Variants in MAPRE1 observed in about 807,000 individuals in gnomAD.
The protein encoded by MAPRE1 is microtubule-associated protein RP/EB family member 1.
In MAPRE1, 5 loss-of-function variants were observed where a neutral mutation model predicts 32.1. The ratio of observed to expected loss-of-function variants is 0.16; its 90% CI spans 0.08 to 0.33. The LOEUF (loss-of-function observed/expected upper bound fraction) is 0.33. Ranked by LOEUF, MAPRE1 falls within the 10% of genes least tolerant of loss-of-function variation. The pLI, the probability that MAPRE1 is intolerant of heterozygous loss-of-function variation, is 1.00. For missense variants in MAPRE1, 209 were observed against 327.2 expected (o/e 0.64, Z 2.79); for synonymous variants, 122 against 118.9 (o/e 1.03, Z -0.17).
intron 2 of MAPRE1, among the ~76,000 whole-genome samples, chr20:32,827,936 T>TC (rs1413283362): frequency 7.1e-6 from 1 of 140,160 alleles, no homozygotes; most frequent in Non-Finnish European, 1.5e-5. Context: ...TAGGATTTTT[T>TC]CTTTTTTTTT....
chr20:32,844,470 T>TTTTTG, intron 5 of MAPRE1, among the ~76,000 whole-genome samples: 3 of 132,826 alleles, frequency 2.3e-5, no homozygotes, highest in Admixed American at 7.5e-5. Flanking sequence ...TTTTTTTTTT[T>TTTTTG]GTGGCGTGAT....
At chr20:32,843,597 A>G (rs1050489294) in intron 5 of MAPRE1, 1 of 152,240 alleles carries the variant, frequency 6.6e-6, no homozygotes. Context: ...GCATATAATC[A>G]AATATAAATA....
At chr20:32,828,315 T>G (rs185560012) in intron 2 of MAPRE1, among the ~76,000 whole-genome samples, 347 of 152,344 alleles carry the variant, frequency 2.3e-3, no homozygotes, top group Non-Finnish European at 4.1e-3. Context: ...CATCCTAGTT[T>G]TCACTGGAGC....
intron 2 of MAPRE1, among the ~76,000 whole-genome samples, chr20:32,832,494 T>G (rs1601164265): frequency 7.0e-6 from 1 of 143,354 alleles, no homozygotes; most frequent in Admixed American, 7.3e-5. Flanking sequence ...TGAGACGAGG[T>G]CTCTCTCTGT....
chr20:32,821,024 C>CT (rs35886111), intron 1 of MAPRE1, among the ~76,000 whole-genome samples: 21,825 of 140,586 alleles, frequency 0.16, 1,836 homozygotes, highest in South Asian at 0.21. Flanking sequence ...TCTCTTCTTC[C>CT]TTTTTTTTTT....
chr20:32,828,659 G>A (rs1291773934), intron 2 of MAPRE1, among the ~76,000 whole-genome samples: 2 of 152,188 alleles, frequency 1.3e-5, no homozygotes, highest in Non-Finnish European at 2.9e-5. Context: ...AACTGACTGT[G>A]TGCCAGACCC....
Position 32,825,912 on chromosome 20 carries a change from TC to T in MAPRE1, c.-3-10del. On this transcript the variant is annotated splice_polypyrimidine_tract_variant and intron_variant, in intron 1 of 6. Transcript: ENST00000375571. ...TGTAACACAGGCCCTTCTCTTTTCT[TC>T]CCATGCTTTAGAAGATGGCAGTGAA... The T allele has an allele frequency of 6.3e-7, 1 of 1,576,962 alleles. No individual in the cohort carries two copies. The highest frequency in any genetic ancestry group is 8.7e-7 in the Non-Finnish European group (1 of 1,151,400).
chr20:32,841,859 G>A (rs1983373225), intron 5 of MAPRE1, among the ~76,000 whole-genome samples: 1 of 152,162 alleles, frequency 6.6e-6, no homozygotes, highest in South Asian at 2.1e-4. Context: ...GATTATATGA[G>A]CTGAATGTTA....
rs887492301 is a variant in MAPRE1, at chr20:32,826,178, C to T, written c.121+130C>T. On this transcript the variant is annotated intron_variant, in intron 2 of 6. Transcript: ENST00000375571. ...TTTGTTAGGGCCACCCTGTTTCTTC[C>T]TCTCAGCCCTGCCTTTGCTTCTGCT... is the stretch of plus-strand genomic sequence containing the variant. The T allele has an allele frequency of 5.6e-5, 41 of 731,918 alleles. 2 individuals are homozygous for T. Among genetic ancestry groups the T allele is most frequent in the Middle Eastern group, 5.2e-4 (2 of 3,844 alleles). 45.3% of individuals were successfully genotyped at this position (731,918 alleles called of 1,614,324 possible).
intron 3 of MAPRE1, among the ~76,000 whole-genome samples, chr20:32,835,410 T>A (rs1983168031): frequency 7.3e-6 from 1 of 136,738 alleles, no homozygotes; most frequent in African/African-American, 2.8e-5. Context: ...TTGCCAGTGC[T>A]GGTCTAAATT....
chr20:32,836,607 G>A, intron 3 of MAPRE1, 27 bp from the exon 4 acceptor site: 1 of 1,403,608 alleles, frequency 7.1e-7, no homozygotes, highest in Non-Finnish European at 1.0e-6. Context: ...CTCTTTTTTG[G>A]GGCTAAACAG....
intron 1 of MAPRE1, among the ~76,000 whole-genome samples, chr20:32,822,531 G>A (rs6057651): frequency 0.018 from 2,782 of 152,286 alleles, 32 homozygotes; most frequent in South Asian, 0.044. Flanking sequence ...AGGAGGATGA[G>A]TGAGACAAGG....
At chr20:32,826,421 C>T (rs1297103261) in intron 2 of MAPRE1, among the ~76,000 whole-genome samples, 2 of 149,818 alleles carry the variant, frequency 1.3e-5, no homozygotes, top group Non-Finnish European at 3.0e-5. Context: ...GGGGTTTCAC[C>T]GTGTTAGCCA....
At chr20:32,828,351 A>G (rs1235953153) in intron 2 of MAPRE1, among the ~76,000 whole-genome samples, 2 of 152,220 alleles carry the variant, frequency 1.3e-5, no homozygotes, top group Non-Finnish European at 2.9e-5. Context: ...AATTCCCTCT[A>G]AAATTTACCT....
At position 32,836,812 on chromosome 20, in the gene MAPRE1, C is replaced by G; in HGVS notation, c.446C>G (p.Pro149Arg). The change falls in exon 4 of 7, where the codon CCG becomes CGG. Residue 149 changes from proline to arginine, a missense_variant. Physicochemically the swap from Pro to Arg is moderately radical, Grantham distance 103 (BLOSUM62 -2). Transcript: ENST00000375571. ...PSLVAPALNK[P>R]KKPLTSSSAA... ...CTTGTTGCTCCAGCTCTGAATAAACCGAAGAAACCTCTCACTTCTAGCAGT... is the reference window on the plus strand; with the variant it reads ...CTTGTTGCTCCAGCTCTGAATAAACGGAAGAAACCTCTCACTTCTAGCAGT... 6.2e-7 allele frequency: 1 copy of G among 1,611,486 alleles called. No individual in the cohort carries two copies. The highest frequency in any genetic ancestry group is 8.5e-7 in the Non-Finnish European group (1 of 1,179,416).
chr20:32,824,678 A>G (rs1254455123), intron 1 of MAPRE1, among the ~76,000 whole-genome samples: 7 of 147,762 alleles, frequency 4.7e-5, no homozygotes, highest in Non-Finnish European at 1.0e-4. Context: ...GAAAGAATTT[A>G]TAGTTTTTTT....
At chr20:32,840,485 TA>T (rs1983329530) in intron 5 of MAPRE1, among the ~76,000 whole-genome samples, 1 of 152,188 alleles carries the variant, frequency 6.6e-6, no homozygotes, top group African/African-American at 2.4e-5. Context: ...TTTGTTTTAT[TA>T]AAAAAGTTTT....
intron 5 of MAPRE1, 118 bp downstream of exon 5, chr20:32,839,974 G>A: frequency 7.3e-7 from 1 of 1,377,130 alleles, no homozygotes; most frequent in Non-Finnish European, 1.0e-6. Flanking sequence ...GCCAGAGCAT[G>A]TGACACGTGT....
intron 4 of MAPRE1, among the ~76,000 whole-genome samples, chr20:32,838,342 A>G (rs141921491): frequency 6.6e-6 from 1 of 152,236 alleles, no homozygotes; most frequent in East Asian, 1.9e-4. Context: ...TTTATTGTGG[A>G]ATAATATTCC....
Sources: gnomAD v4.1 joint callset for allele counts (sites outside exome capture counted in the v4.1 genomes callset) on GRCh38, gnomAD v4.1.1 for gene constraint, MANE v1.5 for transcripts, NCBI Gene and HGNC (gene_info 2026-07-23, HGNC 2026-07-21) for gene names.